SLX4IP: variants seen among roughly 807,000 people sequenced by gnomAD.
The protein encoded by SLX4IP is protein SLX4IP.
In SLX4IP, 34 loss-of-function variants were observed where a neutral mutation model predicts 32.9. The observed-to-expected ratio is 1.03, with a 90% CI of 0.79 to 1.38. The LOEUF (loss-of-function observed/expected upper bound fraction) is 1.38, where lower values mean the gene tolerates loss of function less well. Ranked by LOEUF, SLX4IP falls within the 40% of genes most tolerant of loss-of-function variation. The pLI is 0.00. For missense variants in SLX4IP, 444 were observed against 479.0 expected, an observed-to-expected ratio of 0.93 and a Z score of 0.68; for synonymous variants, 172 against 171.7, an observed-to-expected ratio of 1.00 and a Z score of -0.01.
chr20:10,508,903 C>T lies in SLX4IP; in HGVS notation c.28-47328C>T, dbSNP rs554525993. 3.5e-4 allele frequency among the ~76,000 whole-genome samples: 53 copies of T among 152,328 alleles called. 1 individual carries two copies. The South Asian group carries it at 0.011, about 31-fold the overall frequency. On this transcript the variant is annotated intron_variant, in intron 2 of 7. Coordinates refer to ENST00000334534, the MANE Select transcript of SLX4IP (RefSeq NM_001009608.3). ...CTCCACTGAGGGTTCCCTGCAGACC[C>T]TGGGGCCTAACTTGGGGTGTCTGTT...
chr20:10,463,638 G>C (rs2065356487), intron 2 of SLX4IP, among the ~76,000 whole-genome samples: 1 of 152,112 alleles, frequency 6.6e-6, no homozygotes. Context: ...GATTTTTTTA[G>C]GCCTGTCAGG....
intron 2 of SLX4IP, among the ~76,000 whole-genome samples, chr20:10,472,610 G>A (rs1322182019): frequency 1.3e-5 from 2 of 152,212 alleles, no homozygotes. Context: ...GAGGCAGAAA[G>A]GCCTGGGTTT....
At chr20:10,444,118 G>A (rs1600876488) in intron 1 of SLX4IP, among the ~76,000 whole-genome samples, 2 of 152,176 alleles carry the variant, frequency 1.3e-5, no homozygotes, top group East Asian at 1.9e-4. Context: ...TTGAATAGGG[G>A]ACTTATGCTC....
chr20:10,573,412 T>A (rs762489128), intron 4 of SLX4IP, among the ~76,000 whole-genome samples: 6 of 152,206 alleles, frequency 3.9e-5, no homozygotes, highest in Non-Finnish European at 7.3e-5. Flanking sequence ...GATCCCTGAA[T>A]AAACATAGGC....
intron 2 of SLX4IP, among the ~76,000 whole-genome samples, chr20:10,484,187 T>C (rs541400197): frequency 2.0e-5 from 3 of 152,266 alleles, no homozygotes; most frequent in East Asian, 1.9e-4. Flanking sequence ...GCCTCAGTCA[T>C]GAACCTAAGA....
Position 10,598,672 on chromosome 20 carries a change from C to G in SLX4IP, c.239-3C>G. ...CTTAGTGATGTTCCCTTTCACTTTC[C>G]AGGTTATGGCTTTCAAATCACAGCC... On this transcript the variant is annotated splice_region_variant and splice_polypyrimidine_tract_variant and intron_variant, in intron 4 of 7. Coordinates refer to ENST00000334534, the MANE Select transcript of SLX4IP (RefSeq NM_001009608.3). The G allele has an allele frequency of 6.2e-7, 1 of 1,614,044 alleles. No individual in the cohort carries two copies. The highest frequency in any genetic ancestry group is 8.5e-7 in the Non-Finnish European group (1 of 1,179,914).
chr20:10,524,356 A>G (rs1167867913), intron 2 of SLX4IP, among the ~76,000 whole-genome samples: 1 of 152,188 alleles, frequency 6.6e-6, no homozygotes, highest in Non-Finnish European at 1.5e-5. Flanking sequence ...TTTACACATA[A>G]CAGGCATAGC....
Position 10,622,979 on chromosome 20 carries a change from G to A in SLX4IP, c.827G>A (p.Cys276Tyr), listed in dbSNP as rs1446764640. Residue 276 changes from cysteine to tyrosine, a missense_variant, in exon 8 of 8, where the codon TGT (cysteine) becomes TAT (tyrosine). By Grantham distance (194) the Cys-to-Tyr change is radical. Transcript: ENST00000334534. ...GLLSRSPVCS[C>Y]ESASPCPKQS... ...CTAAGCAGGAGCCCCGTCTGTAGCT[G>A]TGAGTCAGCATCACCATGTCCAAAA... is the stretch of plus-strand genomic sequence containing the variant. 5 of 1,614,100 alleles carry A rather than the reference G, an allele frequency of 3.1e-6. No homozygotes were observed. Among genetic ancestry groups the A allele is most frequent in the Admixed American group, 3.3e-5 (2 of 60,012 alleles).
chr20:10,608,512 GAA>G, intron 6 of SLX4IP, among the ~76,000 whole-genome samples: 1 of 144,120 alleles, frequency 6.9e-6, no homozygotes, highest in South Asian at 2.2e-4. Flanking sequence ...AAAAATACAG[GAA>G]AAAAAAAAAG....
chr20:10,538,059 C>T (rs1184948129), intron 2 of SLX4IP, among the ~76,000 whole-genome samples: 1 of 152,112 alleles, frequency 6.6e-6, no homozygotes, highest in African/African-American at 2.4e-5. Context: ...ACCCTAATCC[C>T]ATGAAGAAAG....
chr20:10,511,170 G>A (rs1047702021), intron 2 of SLX4IP, among the ~76,000 whole-genome samples: 1 of 152,200 alleles, frequency 6.6e-6, no homozygotes, highest in Non-Finnish European at 1.5e-5. Flanking sequence ...TTTGCAATAT[G>A]TTGTTCTCAT....
At chr20:10,502,818 T>C (rs532535781) in intron 2 of SLX4IP, among the ~76,000 whole-genome samples, 3 of 152,292 alleles carry the variant, frequency 2.0e-5, no homozygotes, top group African/African-American at 7.2e-5. Context: ...GCAAGCTTCA[T>C]GAAGACAGGG....
At chr20:10,551,890 A>T (rs1279538282) in intron 2 of SLX4IP, among the ~76,000 whole-genome samples, 1 of 152,170 alleles carries the variant, frequency 6.6e-6, no homozygotes, top group African/African-American at 2.4e-5. Context: ...GACTGATCCG[A>T]TTTATAGGTT....
At chr20:10,615,470 A>C (rs1645885874) in intron 6 of SLX4IP, among the ~76,000 whole-genome samples, 1 of 151,672 alleles carries the variant, frequency 6.6e-6, no homozygotes. Flanking sequence ...AACTTCTTTT[A>C]CTCATCCAAA....
intron 2 of SLX4IP, among the ~76,000 whole-genome samples, chr20:10,503,669 T>C (rs1193667672): frequency 1.3e-5 from 2 of 152,156 alleles, no homozygotes; most frequent in African/African-American, 4.8e-5. Context: ...ACAATAGATA[T>C]TTATTGTCTC....
At chr20:10,530,346 A>G (rs965191554) in intron 2 of SLX4IP, among the ~76,000 whole-genome samples, 7 of 152,224 alleles carry the variant, frequency 4.6e-5, no homozygotes, top group Admixed American at 2.0e-4. Flanking sequence ...ACATTTGGAA[A>G]TATCAGTGAA....
chr20:10,505,664 G>T (rs1025652092), intron 2 of SLX4IP, among the ~76,000 whole-genome samples: 1 of 152,148 alleles, frequency 6.6e-6, no homozygotes, highest in African/African-American at 2.4e-5. Context: ...GCTGTGCTCA[G>T]CATATTTCTG....
intron 6 of SLX4IP, among the ~76,000 whole-genome samples, chr20:10,611,872 T>G (rs1938995373): frequency 6.6e-6 from 1 of 152,210 alleles, no homozygotes; most frequent in African/African-American, 2.4e-5. Flanking sequence ...GCCAAAGTGC[T>G]CTTCTCTTTC....
At chr20:10,509,505 C>T (rs1209161037) in intron 2 of SLX4IP, among the ~76,000 whole-genome samples, 5 of 152,182 alleles carry the variant, frequency 3.3e-5, no homozygotes, top group Admixed American at 2.6e-4. Context: ...GGTCGCTCTC[C>T]TGTACCTCAT....
Sources: gnomAD v4.1 joint callset for allele counts (sites outside exome capture counted in the v4.1 genomes callset) on GRCh38, gnomAD v4.1.1 for gene constraint, MANE v1.5 for transcripts, NCBI Gene and HGNC (gene_info 2026-07-23, HGNC 2026-07-21) for gene names.